CTNNA2: variants seen among roughly 807,000 people sequenced by gnomAD.
The protein encoded by CTNNA2 is catenin alpha-2.
CTNNA2 carries 42 observed loss-of-function variants against 101.0 expected under a neutral mutation model. The ratio of observed to expected loss-of-function variants is 0.42; its 90% CI spans 0.32 to 0.54. The LOEUF is 0.54. Ranked by LOEUF, CTNNA2 falls within the 20% of genes least tolerant of loss-of-function variation. The pLI is 0.14. For missense variants in CTNNA2, 871 were observed against 1,223.1 expected (o/e 0.71, Z 4.29); for synonymous variants, 450 against 456.4 (o/e 0.99, Z 0.18).
At chr2:79,301,388 C>T (rs575631378) in intron 2 of CTNNA2, among the ~76,000 whole-genome samples, 39 of 152,276 alleles carry the variant, frequency 2.6e-4, no homozygotes, top group African/African-American at 8.9e-4. Context: ...TGACTCTTGA[C>T]TGGTTACTGT....
chr2:80,566,761 A>G lies in CTNNA2; in HGVS notation c.1742-7402A>G, dbSNP rs575762684. 7.9e-5 allele frequency among the ~76,000 whole-genome samples: 12 copies of G among 152,326 alleles called. No individual in the cohort carries two copies. In the South Asian group the frequency reaches 2.5e-3, roughly 32 times the overall value. Reference sequence around the variant, plus strand: ...AAAGAGAACAGATAAGAGTCAGGGAATGGTACATAGACAAAGCTGGTACAT... The same window carrying G: ...AAAGAGAACAGATAAGAGTCAGGGAGTGGTACATAGACAAAGCTGGTACAT... On this transcript the variant is annotated intron_variant, in intron 12 of 18. Coordinates refer to ENST00000402739, the MANE Select transcript of CTNNA2 (RefSeq NM_001282597.3).
chr2:80,175,590 A>G (rs1317488499), intron 7 of CTNNA2, among the ~76,000 whole-genome samples: 1 of 152,204 alleles, frequency 6.6e-6, no homozygotes, highest in Non-Finnish European at 1.5e-5. Flanking sequence ...CTGCTCTCTC[A>G]TGTTGTATTA....
intron 3 of CTNNA2, among the ~76,000 whole-genome samples, chr2:79,845,067 GTATATATATATGTGTATA>G: frequency 7.0e-6 from 1 of 142,610 alleles, no homozygotes; most frequent in African/African-American, 2.7e-5. Context: ...GTGTGTGTGT[GTATATATATATGTGTATA>G]TATATATATA....
intron 7 of CTNNA2, among the ~76,000 whole-genome samples, chr2:80,164,950 T>TGTTTGTTTTG (rs59984769): frequency 3.6e-4 from 53 of 148,846 alleles, no homozygotes; most frequent in African/African-American, 8.8e-4. Flanking sequence ...TTTTTTTTTT[T>TGTTTGTTTTG]TTTTTTTCTA....
intron 9 of CTNNA2, among the ~76,000 whole-genome samples, chr2:80,493,874 A>G (rs1687244691): frequency 6.6e-6 from 1 of 152,226 alleles, no homozygotes; most frequent in Non-Finnish European, 1.5e-5. Context: ...AAAGTATAAC[A>G]TGGCTATTTA....
Position 80,632,469 on chromosome 2 carries a change from C to T in CTNNA2, c.2574+13241C>T, listed in dbSNP as rs1194925341. 3.3e-5 allele frequency among the ~76,000 whole-genome samples: 5 copies of T among 152,106 alleles called. No homozygotes were observed. The East Asian group carries it at 9.6e-4, about 29-fold the overall frequency. On this transcript the variant is annotated intron_variant, in intron 18 of 18. Coordinates refer to ENST00000402739, the MANE Select transcript of CTNNA2 (RefSeq NM_001282597.3). Reference sequence around the variant, plus strand: ...TGAATTTCTTTGTCTTTTTGTGCTGCACTCCAAAGCCAAATTTGAGGGCCC... The same window carrying T: ...TGAATTTCTTTGTCTTTTTGTGCTGTACTCCAAAGCCAAATTTGAGGGCCC...
At chr2:80,178,949 A>G (rs562006909) in intron 7 of CTNNA2, among the ~76,000 whole-genome samples, 2 of 152,324 alleles carry the variant, frequency 1.3e-5, no homozygotes, top group South Asian at 2.1e-4. Flanking sequence ...ACTGGATCCA[A>G]TCAGCGTAAT....
intron 3 of CTNNA2, among the ~76,000 whole-genome samples, chr2:79,783,334 A>G (rs994983): frequency 0.26 from 39,468 of 152,098 alleles, 5,532 homozygotes; most frequent in South Asian, 0.4. Context: ...CCAGGCCAGA[A>G]GCCTTCTGCT....
chr2:80,453,752 C>T (rs1559123059), intron 9 of CTNNA2, among the ~76,000 whole-genome samples: 1 of 152,122 alleles, frequency 6.6e-6, no homozygotes, highest in Non-Finnish European at 1.5e-5. Context: ...AATGTAGTTT[C>T]AATCAGAATG....
At chr2:79,624,002 C>A (rs530052703) in intron 1 of CTNNA2, among the ~76,000 whole-genome samples, 2 of 152,020 alleles carry the variant, frequency 1.3e-5, no homozygotes, top group African/African-American at 2.4e-5. Context: ...CTCTCTCCCC[C>A]GTACAGTCTC....
At chr2:79,202,473 T>A (rs1674049550) in intron 2 of CTNNA2, among the ~76,000 whole-genome samples, 1 of 152,038 alleles carries the variant, frequency 6.6e-6, no homozygotes, top group Non-Finnish European at 1.5e-5. Flanking sequence ...CTCCCAAACA[T>A]CTGGAACTAC....
rs143925871 is a variant in CTNNA2, at chr2:80,518,863, A to C, written c.1291-26119A>C. On this transcript the variant is annotated intron_variant, in intron 9 of 18. Coordinates refer to ENST00000402739, the MANE Select transcript of CTNNA2 (RefSeq NM_001282597.3). ...CCTTAGCTCTCAAGGAACCAAATCT[A>C]AACCTAGTATCTGATTGTAATAGAC... Among the ~76,000 whole-genome samples the C allele has an allele frequency of 5.1e-3, 778 of 152,314 alleles. 12 individuals carry two copies. Among genetic ancestry groups the C allele is most frequent in the African/African-American group, 0.018 (751 of 41,564 alleles).
Position 80,292,032 on chromosome 2 carries a change from A to C in CTNNA2, c.1057-101179A>C, listed in dbSNP as rs553051956. 1.4e-3 allele frequency among the ~76,000 whole-genome samples: 207 copies of C among 152,320 alleles called. 1 individual carries two copies. The highest frequency in any genetic ancestry group is 2.2e-3 in the Non-Finnish European group (148 of 68,024). ...TCCCTCTTTTAGGCCCAGTGCTTTC[A>C]GGAATTCAGGTTTTTGAGTCTCATC... On this transcript the variant is annotated intron_variant, in intron 7 of 18. Transcript: ENST00000402739.
intron 7 of CTNNA2, among the ~76,000 whole-genome samples, chr2:79,949,392 ATATGT>A (rs1260127813): frequency 3.9e-5 from 6 of 152,214 alleles, no homozygotes; most frequent in Non-Finnish European, 5.9e-5. Context: ...AACTTTGTAC[ATATGT>A]TATGTGGAAG....
At chr2:80,193,215 A>C (rs985785794) in intron 7 of CTNNA2, among the ~76,000 whole-genome samples, 6 of 152,220 alleles carry the variant, frequency 3.9e-5, no homozygotes, top group Non-Finnish European at 8.8e-5. Context: ...TCAACCAATG[A>C]GAAATATTAG....
intron 9 of CTNNA2, among the ~76,000 whole-genome samples, chr2:80,496,261 A>G (rs1181548320): frequency 1.3e-5 from 2 of 152,174 alleles, no homozygotes; most frequent in Non-Finnish European, 2.9e-5. Flanking sequence ...TAATGTAGGG[A>G]TATAGACAAA....
At chr2:80,124,907 G>C (rs908010807) in intron 7 of CTNNA2, among the ~76,000 whole-genome samples, 1 of 152,118 alleles carries the variant, frequency 6.6e-6, no homozygotes, top group Non-Finnish European at 1.5e-5. Context: ...AGAATGAATA[G>C]ACTTGGAAGG....
intron 1 of CTNNA2, among the ~76,000 whole-genome samples, chr2:79,543,863 T>C (rs1673567794): frequency 6.6e-6 from 1 of 152,220 alleles, no homozygotes; most frequent in Non-Finnish European, 1.5e-5. Context: ...AATTTCTCGT[T>C]ATAAAATATT....
intron 6 of CTNNA2, among the ~76,000 whole-genome samples, chr2:79,880,634 G>C (rs1344666128): frequency 6.6e-6 from 1 of 152,150 alleles, no homozygotes; most frequent in Non-Finnish European, 1.5e-5. Context: ...TCTGATGGTA[G>C]TTTGTATTTC....
Sources: allele counts gnomAD v4.1 joint callset (sites outside exome capture counted in the v4.1 genomes callset), GRCh38; gene constraint gnomAD v4.1.1; transcripts MANE v1.5; gene names NCBI Gene and HGNC (gene_info 2026-07-23, HGNC 2026-07-21).